Variants in MIR2052HG observed in about 807,000 individuals in gnomAD.
MIR2052HG encodes MIR2052 host gene.
chr8:74,666,064 C>A (rs1035629213), intron 2 of MIR2052HG, among the ~76,000 whole-genome samples: 2 of 152,052 alleles, frequency 1.3e-5, no homozygotes, highest in Admixed American at 1.3e-4. Flanking sequence ...GAGAACAGAC[C>A]AATACAACAG....
At chr8:74,622,824 C>T (rs559773606) in intron 2 of MIR2052HG, among the ~76,000 whole-genome samples, 2 of 151,822 alleles carry the variant, frequency 1.3e-5, no homozygotes, top group South Asian at 2.1e-4. Flanking sequence ...TGAAAACCAC[C>T]GAGAGGTTCC....
rs984287881 is a variant in MIR2052HG, at chr8:74,721,096, G to A, written n.371+17414G>A. On this transcript the variant is annotated intron_variant and non_coding_transcript_variant, in intron 4 of 6. Transcript: ENST00000523442. ...AATTAAGAGAGGACTCTGTTGAACA[G>A]TCTAGGGCTGTGCCTTTGTGCTCTG... Among the ~76,000 whole-genome samples the A allele has an allele frequency of 2.0e-5, 3 of 152,144 alleles. No homozygotes were observed. In the East Asian group the frequency reaches 5.8e-4, roughly 29 times the overall value.
chr8:74,753,242 A>G (rs149915493), intron 5 of MIR2052HG, among the ~76,000 whole-genome samples: 3 of 152,312 alleles, frequency 2.0e-5, no homozygotes, highest in East Asian at 3.9e-4. Flanking sequence ...CGTTACACCA[A>G]TCCAAACAAC....
At chr8:74,708,999 G>T (rs1310986578) in intron 4 of MIR2052HG, among the ~76,000 whole-genome samples, 1 of 152,000 alleles carries the variant, frequency 6.6e-6, no homozygotes, top group African/African-American at 2.4e-5. Context: ...ATGATAGAAT[G>T]GACCTAATTA....
chr8:74,673,887 G>GTGTATATATATATATATATATATA (rs374641482), intron 2 of MIR2052HG, among the ~76,000 whole-genome samples: 2 of 121,700 alleles, frequency 1.6e-5, no homozygotes, highest in African/African-American at 7.8e-5. Context: ...GTATTTTTTT[G>GTGTATATATATATATATATATATA]TATATATATA....
intron 4 of MIR2052HG, among the ~76,000 whole-genome samples, chr8:74,714,939 CA>C (rs1271661667): frequency 6.6e-6 from 1 of 152,064 alleles, no homozygotes; most frequent in Non-Finnish European, 1.5e-5. Flanking sequence ...CTTGGCCTCC[CA>C]AAGTGCTGGG....
At chr8:74,721,417 AT>A (rs1255091422) in intron 4 of MIR2052HG, among the ~76,000 whole-genome samples, 3 of 152,130 alleles carry the variant, frequency 2.0e-5, no homozygotes, top group Non-Finnish European at 2.9e-5. Flanking sequence ...TCAACTGGGC[AT>A]TTTTTCAGTC....
intron 4 of MIR2052HG, among the ~76,000 whole-genome samples, chr8:74,730,010 C>T (rs1411050874): frequency 6.6e-6 from 1 of 152,082 alleles, no homozygotes; most frequent in Non-Finnish European, 1.5e-5. Context: ...ATGTGAATAA[C>T]TTTTACTTAT....
At chr8:74,650,697 A>C (rs1563522980) in intron 2 of MIR2052HG, among the ~76,000 whole-genome samples, 1 of 152,124 alleles carries the variant, frequency 6.6e-6, no homozygotes, top group Admixed American at 6.6e-5. Context: ...TGCCCTCATC[A>C]ATAGTACCTG....
intron 4 of MIR2052HG, chr8:74,703,736 C>G: frequency 4.7e-6 from 2 of 425,320 alleles, no homozygotes; most frequent in Non-Finnish European, 9.4e-6. Flanking sequence ...GGATGAAAGT[C>G]AAGTGATCTC....
At chr8:74,702,458 T>A (rs1162520491) in intron 3 of MIR2052HG, 1 of 452,838 alleles carries the variant, frequency 2.2e-6, no homozygotes, top group East Asian at 7.0e-5. Flanking sequence ...CTTTGCAAGG[T>A]AAGTCAGTTC....
chr8:74,723,195 C>A (rs766824529), intron 4 of MIR2052HG, among the ~76,000 whole-genome samples: 7 of 152,220 alleles, frequency 4.6e-5, no homozygotes, highest in Non-Finnish European at 1.0e-4. Context: ...CACATTCTTT[C>A]ATCCCGCACT....
intron 4 of MIR2052HG, among the ~76,000 whole-genome samples, chr8:74,740,275 C>T (rs1211013184): frequency 2.0e-5 from 3 of 152,054 alleles, no homozygotes; most frequent in Non-Finnish European, 4.4e-5. Flanking sequence ...ACCAGCCTGG[C>T]CAACATGGCA....
chr8:74,700,974 A>G (rs755140315), intron 2 of MIR2052HG, among the ~76,000 whole-genome samples: 8 of 152,174 alleles, frequency 5.3e-5, no homozygotes, highest in Admixed American at 3.3e-4. Flanking sequence ...ATAAATAAAT[A>G]TATAATAAAA....
chr8:74,667,676 A>G (rs1563527360), intron 2 of MIR2052HG, among the ~76,000 whole-genome samples: 1 of 152,124 alleles, frequency 6.6e-6, no homozygotes, highest in African/African-American at 2.4e-5. Context: ...GTGGAATAAT[A>G]CTGAAACCCC....
intron 4 of MIR2052HG, among the ~76,000 whole-genome samples, chr8:74,722,713 T>C (rs1809591631): frequency 6.6e-6 from 1 of 152,232 alleles, no homozygotes; most frequent in African/African-American, 2.4e-5. Context: ...ACAGTGGTAA[T>C]TAGTATTTGT....
chr8:74,724,968 T>C (rs1003983666), intron 4 of MIR2052HG, among the ~76,000 whole-genome samples: 1 of 152,078 alleles, frequency 6.6e-6, no homozygotes, highest in African/African-American at 2.4e-5. Flanking sequence ...CACTGAGGTA[T>C]GCCTGTCTCC....
chr8:74,609,517 C>A (rs934459536), intron 1 of MIR2052HG, among the ~76,000 whole-genome samples: 35 of 151,632 alleles, frequency 2.3e-4, no homozygotes, highest in African/African-American at 8.0e-4. Context: ...TGCCAATATT[C>A]CTCATAAATG....
intron 2 of MIR2052HG, among the ~76,000 whole-genome samples, chr8:74,657,574 A>C (rs1563524698): frequency 1.3e-5 from 2 of 152,172 alleles, no homozygotes; most frequent in African/African-American, 4.8e-5. Flanking sequence ...GAGACTGGGC[A>C]ATTTACAAAC....
Sources: allele counts gnomAD v4.1 joint callset (sites outside exome capture counted in the v4.1 genomes callset), GRCh38; gene constraint gnomAD v4.1.1; transcripts MANE v1.5; gene names NCBI Gene and HGNC (gene_info 2026-07-23, HGNC 2026-07-21).